The following GMDS variants were observed in gnomAD, a reference collection of about 807,000 sequenced individuals.
GMDS encodes the protein GDP-mannose 4,6 dehydratase.
GMDS carries 20 observed loss-of-function variants against 49.9 expected under a neutral mutation model. That is an observed-to-expected ratio of 0.40 (90% CI 0.28 to 0.58). The LOEUF is 0.58. Among genes scored for constraint, GMDS ranks in the 20% least tolerant of loss-of-function variants. GMDS has a pLI of 0.42. For synonymous variants in GMDS, 177 were observed against 178.6 expected (o/e 0.99, Z 0.07); for missense variants, 362 against 481.4 (o/e 0.75, Z 2.32).
intron 4 of GMDS, among the ~76,000 whole-genome samples, chr6:1,967,522 ACT>A (rs759658906): frequency 1.4e-4 from 21 of 152,150 alleles, no homozygotes; most frequent in Non-Finnish European, 2.2e-4. Context: ...GACAGATAAA[ACT>A]CTCTATAAAT....
intron 1 of GMDS, among the ~76,000 whole-genome samples, chr6:2,166,633 T>C (rs1488043594): frequency 4.6e-5 from 7 of 152,226 alleles, no homozygotes; most frequent in African/African-American, 1.7e-4. Flanking sequence ...TAAGAAGATT[T>C]ATGTGAAGAA....
chr6:2,109,364 G>A (rs1475246183), intron 4 of GMDS, among the ~76,000 whole-genome samples: 1 of 152,174 alleles, frequency 6.6e-6, no homozygotes, highest in South Asian at 2.1e-4. Context: ...GCTTAAGTTC[G>A]AGTGTAGTTA....
intron 9 of GMDS, among the ~76,000 whole-genome samples, chr6:1,665,286 C>T (rs958299422): frequency 1.3e-5 from 2 of 152,152 alleles, no homozygotes; most frequent in Non-Finnish European, 2.9e-5. Flanking sequence ...AATATATAAC[C>T]ATGATTGCTT....
At chr6:2,181,874 G>T (rs1778554428) in intron 1 of GMDS, among the ~76,000 whole-genome samples, 1 of 152,140 alleles carries the variant, frequency 6.6e-6, no homozygotes, top group Non-Finnish European at 1.5e-5. Context: ...CAAGTGAAAG[G>T]AACAGTCACA....
At chr6:1,899,077 TAGAA>T (rs1210486558) in intron 7 of GMDS, among the ~76,000 whole-genome samples, 1 of 152,244 alleles carries the variant, frequency 6.6e-6, no homozygotes, top group Non-Finnish European at 1.5e-5. Context: ...AGAATAAAGT[TAGAA>T]AGAAAGCTTC....
At chr6:1,973,054 A>G (rs1343813616) in intron 4 of GMDS, among the ~76,000 whole-genome samples, 4 of 152,246 alleles carry the variant, frequency 2.6e-5, no homozygotes, top group Non-Finnish European at 5.9e-5. Context: ...TGCTTAAAGA[A>G]AAAAAGTCAC....
At chr6:1,721,944 T>C (rs1766398070) in intron 9 of GMDS, among the ~76,000 whole-genome samples, 1 of 151,736 alleles carries the variant, frequency 6.6e-6, no homozygotes, top group Admixed American at 6.6e-5. Flanking sequence ...TTAGTAATAC[T>C]CACTAGAAGC....
intron 4 of GMDS, among the ~76,000 whole-genome samples, chr6:2,109,558 C>T (rs183603640): frequency 1.3e-4 from 20 of 152,298 alleles, no homozygotes; most frequent in African/African-American, 3.8e-4. Context: ...GAGCATGTGA[C>T]GTGACCAGGA....
intron 9 of GMDS, among the ~76,000 whole-genome samples, chr6:1,658,335 C>T (rs552306836): frequency 2.0e-5 from 3 of 152,374 alleles, no homozygotes; most frequent in South Asian, 4.1e-4. Context: ...TTTGCGAAGT[C>T]GCATTTTCCC....
chr6:2,006,501 G>C (rs971482285), intron 4 of GMDS, among the ~76,000 whole-genome samples: 2 of 152,048 alleles, frequency 1.3e-5, no homozygotes, highest in South Asian at 2.1e-4. Context: ...GAAGGAAAAA[G>C]CGCTGGGTTC....
At position 2,059,175 on chromosome 6, in the gene GMDS, C is replaced by CAAAAAAAAA. The variant is rs55832305; in HGVS notation, c.345+56587_345+56595dup. On this transcript the variant is annotated intron_variant, in intron 4 of 10. Coordinates refer to ENST00000380815, the MANE Select transcript of GMDS (RefSeq NM_001500.4). ...TGGGCGACAGAGTGATCCTCTGTCT[C>CAAAAAAAAA]AAAAAAAAAAAAAAAAAAAAAAAAA... Among the ~76,000 whole-genome samples the CAAAAAAAAA allele has an allele frequency of 7.0e-4, 21 of 30,016 alleles. 1 individual carries two copies. Among genetic ancestry groups the CAAAAAAAAA allele is most frequent in the African/African-American group, 2.8e-3 (21 of 7,594 alleles). 19.7% of individuals were successfully genotyped at this position (30,016 alleles called of 152,430 possible).
intron 1 of GMDS, among the ~76,000 whole-genome samples, chr6:2,216,488 G>C (rs771759089): frequency 1.5e-4 from 23 of 152,218 alleles, no homozygotes; most frequent in Non-Finnish European, 8.8e-5. Flanking sequence ...GGTGTGTGCA[G>C]GTGTAAGCGT....
At chr6:2,082,295 C>T (rs1423320093) in intron 4 of GMDS, among the ~76,000 whole-genome samples, 1 of 152,114 alleles carries the variant, frequency 6.6e-6, no homozygotes, top group Admixed American at 6.5e-5. Flanking sequence ...CAAGTATTTT[C>T]TTTTAGTAAT....
rs1212693673 is a variant in GMDS at position 2,160,388 on chromosome 6, T to A, written c.103-35657A>T. ...ATATAATGGATAAGCACTACTATGA[T>A]CCCATTTTATAGGTGGAACACTTTT... On this transcript the variant is annotated intron_variant, in intron 1 of 10. Transcript: ENST00000380815. Among the ~76,000 whole-genome samples the A allele has an allele frequency of 2.0e-5, 3 of 152,338 alleles. No homozygotes were observed. The East Asian group carries it at 5.8e-4, about 29-fold the overall frequency.
At chr6:1,832,045 A>G (rs772682165) in intron 7 of GMDS, among the ~76,000 whole-genome samples, 19 of 152,048 alleles carry the variant, frequency 1.2e-4, no homozygotes, top group Non-Finnish European at 2.5e-4. Flanking sequence ...ATTAGCACTA[A>G]GTGAAGGTAG....
At chr6:1,801,098 A>T (rs1265836042) in intron 7 of GMDS, among the ~76,000 whole-genome samples, 2 of 152,182 alleles carry the variant, frequency 1.3e-5, no homozygotes, top group Non-Finnish European at 2.9e-5. Context: ...TGGAGCCCGG[A>T]CCATGAGGAC....
chr6:2,120,337 C>A (rs11968026), intron 2 of GMDS, among the ~76,000 whole-genome samples: 10,051 of 152,122 alleles, frequency 0.066, 565 homozygotes, highest in East Asian at 0.16. Context: ...TCCATAAAAG[C>A]TTAGCCTTTT....
At chr6:1,857,869 A>G (rs764451197) in intron 7 of GMDS, among the ~76,000 whole-genome samples, 1 of 152,172 alleles carries the variant, frequency 6.6e-6, no homozygotes, top group Non-Finnish European at 1.5e-5. Context: ...AAAATATACT[A>G]AGGTAGTTGT....
At chr6:1,998,798 T>C (rs1287210848) in intron 4 of GMDS, among the ~76,000 whole-genome samples, 3 of 152,112 alleles carry the variant, frequency 2.0e-5, no homozygotes. Flanking sequence ...GATTTTGGTA[T>C]CCAAGAAGGC....
Sources: allele counts gnomAD v4.1 joint callset (sites outside exome capture counted in the v4.1 genomes callset), GRCh38; gene constraint gnomAD v4.1.1; transcripts MANE v1.5; gene names NCBI Gene and HGNC (gene_info 2026-07-23, HGNC 2026-07-21).